SLC24A3: variants seen among roughly 807,000 people sequenced by gnomAD.
The protein encoded by SLC24A3 is sodium/potassium/calcium exchanger 3.
In SLC24A3, 28 loss-of-function variants were observed where a neutral mutation model predicts 75.8. The ratio of observed to expected loss-of-function variants is 0.37; its 90% confidence interval spans 0.27 to 0.51. The LOEUF is 0.51. SLC24A3 is among the 20% of genes least tolerant of loss of function. The pLI is 0.94. For synonymous variants in SLC24A3, 372 were observed against 334.1 expected, an observed-to-expected ratio of 1.11 and a Z score of -1.24; for missense variants, 663 against 847.8, an observed-to-expected ratio of 0.78 and a Z score of 2.71.
At chr20:19,630,924 G>GT (rs2031925335) in intron 6 of SLC24A3, among the ~76,000 whole-genome samples, 1 of 152,182 alleles carries the variant, frequency 6.6e-6, no homozygotes, top group South Asian at 2.1e-4. Context: ...AATTGTATGG[G>GT]TGGAGCACGT....
At chr20:19,306,259 C>T (rs1984326872) in intron 2 of SLC24A3, among the ~76,000 whole-genome samples, 1 of 152,150 alleles carries the variant, frequency 6.6e-6, no homozygotes. Flanking sequence ...AAACAGAATG[C>T]TTATATACTG....
chr20:19,259,487 C>CT lies in SLC24A3; in HGVS notation c.143-21471dup, dbSNP rs1982917428. Among the ~76,000 whole-genome samples, 4 of 152,344 alleles carry CT rather than the reference C, an allele frequency of 2.6e-5. 1 individual carries two copies. Among genetic ancestry groups the CT allele is most frequent in the African/African-American group, 9.6e-5 (4 of 41,576 alleles). ...TAGAAACAGTCTCAGAAGTGGAGCA[C>CT]TGCTGAGTGGCAGCGACACCTGAAG... On this transcript the variant is annotated intron_variant, in intron 1 of 16. Coordinates refer to ENST00000328041, the MANE Select transcript of SLC24A3 (RefSeq NM_020689.4).
chr20:19,427,355 CGGGTGAACAAGTGA>C (rs1184305101), intron 2 of SLC24A3, among the ~76,000 whole-genome samples: 1 of 152,076 alleles, frequency 6.6e-6, no homozygotes, highest in African/African-American at 2.4e-5. Flanking sequence ...TTACTTTTGT[CGGGTGAACAAGTGA>C]ACTCATTGCT....
At chr20:19,487,201 T>C (rs972352270) in intron 2 of SLC24A3, among the ~76,000 whole-genome samples, 3 of 152,176 alleles carry the variant, frequency 2.0e-5, no homozygotes, top group Non-Finnish European at 4.4e-5. Context: ...AGATGCCAAA[T>C]TGATGCCTCT....
At chr20:19,598,520 G>A (rs2031480072) in intron 6 of SLC24A3, among the ~76,000 whole-genome samples, 1 of 152,148 alleles carries the variant, frequency 6.6e-6, no homozygotes, top group Middle Eastern at 3.4e-3. Flanking sequence ...TCCCTATAGT[G>A]CATATACCTG....
chr20:19,480,362 TATC>T (rs1386529774), intron 2 of SLC24A3, among the ~76,000 whole-genome samples: 2 of 152,182 alleles, frequency 1.3e-5, no homozygotes, highest in Non-Finnish European at 2.9e-5. Context: ...TACATATAAA[TATC>T]ATATTCTACA....
intron 2 of SLC24A3, among the ~76,000 whole-genome samples, chr20:19,398,012 A>G (rs1028529389): frequency 6.6e-6 from 1 of 152,154 alleles, no homozygotes; most frequent in Non-Finnish European, 1.5e-5. Context: ...TTATTAGATT[A>G]TGGATGTTTT....
chr20:19,443,110 G>A (rs549905090), intron 2 of SLC24A3, among the ~76,000 whole-genome samples: 2 of 152,126 alleles, frequency 1.3e-5, no homozygotes, highest in African/African-American at 4.8e-5. Context: ...GATGAAGTCA[G>A]GTAGTTTTAG....
intron 3 of SLC24A3, among the ~76,000 whole-genome samples, chr20:19,554,824 A>G (rs185218845): frequency 1.3e-5 from 2 of 152,308 alleles, no homozygotes; most frequent in Admixed American, 6.5e-5. Flanking sequence ...GTGAAAGAGG[A>G]GCAGAAAGCT....
intron 6 of SLC24A3, among the ~76,000 whole-genome samples, chr20:19,606,128 C>A (rs1011081328): frequency 7.9e-5 from 12 of 152,178 alleles, no homozygotes; most frequent in African/African-American, 2.9e-4. Flanking sequence ...GGCAGCACAC[C>A]CAAAACTGTG....
At chr20:19,652,279 G>A (rs181033581) in intron 6 of SLC24A3, among the ~76,000 whole-genome samples, 6 of 152,170 alleles carry the variant, frequency 3.9e-5, no homozygotes, top group East Asian at 1.9e-4. Flanking sequence ...TCAATCTGTC[G>A]TCGTTAACTA....
chr20:19,526,998 C>T (rs6081633), intron 3 of SLC24A3, among the ~76,000 whole-genome samples: 20,876 of 152,050 alleles, frequency 0.14, 1,572 homozygotes, highest in Middle Eastern at 0.18. Context: ...TTTCTCTTCT[C>T]ATAAACCCCA....
intron 2 of SLC24A3, among the ~76,000 whole-genome samples, chr20:19,344,156 T>G (rs1337325350): frequency 6.6e-6 from 1 of 152,220 alleles, no homozygotes; most frequent in African/African-American, 2.4e-5. Flanking sequence ...GAAAGAGCAG[T>G]GAACATGTTG....
intron 7 of SLC24A3, among the ~76,000 whole-genome samples, chr20:19,655,219 C>T (rs1475102569): frequency 1.3e-5 from 2 of 152,176 alleles, no homozygotes; most frequent in Non-Finnish European, 2.9e-5. Flanking sequence ...CCATGCAGTG[C>T]ATCTCCACCA....
At chr20:19,585,315 T>C in intron 5 of SLC24A3, 126 bp from the exon 6 acceptor site, 3 of 939,242 alleles carry the variant, frequency 3.2e-6, no homozygotes. Context: ...TAGAAAGCTC[T>C]CTCCACCCCT....
At position 19,475,622 on chromosome 20, in the gene SLC24A3, A is replaced by G. The variant is rs544111767; in HGVS notation, c.272-39866A>G. ...AAGATACACTCAATCTTTTATTTGC[A>G]TTATAATGACAAAAAAAGAAATAAT... On this transcript the variant is annotated intron_variant, in intron 2 of 16. Coordinates refer to ENST00000328041, the MANE Select transcript of SLC24A3 (RefSeq NM_020689.4). 3.9e-5 allele frequency among the ~76,000 whole-genome samples: 6 copies of G among 152,326 alleles called. No individual in the cohort carries two copies. The South Asian group carries it at 1.2e-3, about 32-fold the overall frequency.
At chr20:19,455,609 C>T (rs1987565006) in intron 2 of SLC24A3, among the ~76,000 whole-genome samples, 1 of 152,180 alleles carries the variant, frequency 6.6e-6, no homozygotes, top group Admixed American at 6.5e-5. Context: ...AGTAGATAAA[C>T]CCCAGCCTCT....
intron 1 of SLC24A3, among the ~76,000 whole-genome samples, chr20:19,221,188 G>A (rs904220895): frequency 6.6e-6 from 1 of 152,160 alleles, no homozygotes; most frequent in African/African-American, 2.4e-5. Context: ...CTCCTGAGTT[G>A]CTGGGATTAC....
At chr20:19,533,159 T>C (rs1308212986) in intron 3 of SLC24A3, among the ~76,000 whole-genome samples, 1 of 152,232 alleles carries the variant, frequency 6.6e-6, no homozygotes, top group Non-Finnish European at 1.5e-5. Flanking sequence ...AGGTCTCTCA[T>C]GCACTTGCAG....
Sources: allele counts gnomAD v4.1 joint callset (sites outside exome capture counted in the v4.1 genomes callset), GRCh38; gene constraint gnomAD v4.1.1; transcripts MANE v1.5; gene names NCBI Gene and HGNC (gene_info 2026-07-23, HGNC 2026-07-21).